ZNF85: variants seen among roughly 807,000 people sequenced by gnomAD.
The protein encoded by ZNF85 is zinc finger protein 85.
ZNF85 carries 50 observed loss-of-function variants against 53.9 expected under a neutral mutation model. That is an observed-to-expected ratio of 0.93 (90% CI 0.74 to 1.17). The LOEUF is 1.17. ZNF85 is among the 50% of genes most tolerant of loss of function. The pLI is 0.00. For missense variants in ZNF85, 747 were observed against 688.5 expected, an observed-to-expected ratio of 1.08 and a Z score of -0.95; for synonymous variants, 225 against 226.1, an observed-to-expected ratio of 1.00 and a Z score of 0.04.
chr19:20,948,124 A>G (rs1252148124), intron 3 of ZNF85, among the ~76,000 whole-genome samples: 4 of 152,078 alleles, frequency 2.6e-5, no homozygotes, highest in Non-Finnish European at 5.9e-5. Flanking sequence ...ACATGTTCTT[A>G]GGATGTGTCT....
At chr19:20,940,593 A>C (rs543682719) in intron 3 of ZNF85, among the ~76,000 whole-genome samples, 18 of 152,280 alleles carry the variant, frequency 1.2e-4, no homozygotes, top group Admixed American at 1.1e-3. Flanking sequence ...ATTGTTATGC[A>C]AAAGACTTCT....
chr19:20,942,931 A>C, intron 3 of ZNF85: 1 of 581,882 alleles, frequency 1.7e-6, no homozygotes, highest in Non-Finnish European at 3.1e-6. Flanking sequence ...ATGCAGTACT[A>C]TGCCTGGCTA....
chr19:20,930,120 C>CAAAAAAAAAA (rs57832039), intron 1 of ZNF85, among the ~76,000 whole-genome samples: 12 of 79,254 alleles, frequency 1.5e-4, no homozygotes, highest in Non-Finnish European at 2.7e-4. Context: ...GACTCCGTCC[C>CAAAAAAAAAA]AAAAAAAAAA....
At position 20,948,902 on chromosome 19, in the gene ZNF85, G is replaced by C. The variant is rs754818852; in HGVS notation, c.388G>C (p.Gly130Arg). The change falls in exon 4 of 4, where the codon GGT becomes CGT. Residue 130 changes from glycine to arginine, a missense_variant. Coordinates refer to ENST00000328178, the MANE Select transcript of ZNF85 (RefSeq NM_003429.5). ...GGATGAGTGTAAGATGCACAAAGGA[G>C]GTTGTAATGGACTTAACCAATGTCT... The part of the protein sequence containing the change: ...SMDECKMHKG[G>R]CNGLNQCLTA... The C allele has an allele frequency of 1.4e-5, 23 of 1,613,518 alleles. No homozygotes were observed. Among genetic ancestry groups the C allele is most frequent in the Non-Finnish European group, 1.8e-5 (21 of 1,179,754 alleles).
chr19:20,929,578 A>G (rs898005793), intron 1 of ZNF85, among the ~76,000 whole-genome samples: 2 of 150,572 alleles, frequency 1.3e-5, no homozygotes, highest in Non-Finnish European at 3.0e-5. Flanking sequence ...ATTTCTTAGT[A>G]TATGTTATAA....
rs989043225 is a variant in ZNF85, at chr19:20,941,415, G to A, written c.229+6368G>A. Among the ~76,000 whole-genome samples, 14 of 152,044 alleles carry A rather than the reference G, an allele frequency of 9.2e-5. No homozygotes were observed. In the South Asian group the frequency reaches 1.7e-3, roughly 18 times the overall value. On this transcript the variant is annotated intron_variant, in intron 3 of 3. Transcript: ENST00000328178. ...GTAGCTGGGATTACAGGCACATGCC[G>A]TCACACCCGGCTAATTTTTATATTT...
chr19:20,931,281 G>T (rs1973011594), intron 1 of ZNF85, among the ~76,000 whole-genome samples: 1 of 152,178 alleles, frequency 6.6e-6, no homozygotes, highest in Non-Finnish European at 1.5e-5. Flanking sequence ...AAATTACCAA[G>T]TGATTTATAA....
At chr19:20,929,640 G>A (rs2144608481) in intron 1 of ZNF85, among the ~76,000 whole-genome samples, 1 of 152,288 alleles carries the variant, frequency 6.6e-6, no homozygotes, top group East Asian at 1.9e-4. Context: ...CACAAACTCT[G>A]GGATTTAAGT....
At chr19:20,938,615 G>C (rs1291105833) in intron 3 of ZNF85, among the ~76,000 whole-genome samples, 1 of 152,002 alleles carries the variant, frequency 6.6e-6, no homozygotes, top group Non-Finnish European at 1.5e-5. Context: ...TGTAATTTTA[G>C]ATTCAGACAT....
At chr19:20,943,802 A>G (rs1406450865) in intron 3 of ZNF85, 4 of 152,196 alleles carry the variant, frequency 2.6e-5, no homozygotes, top group African/African-American at 9.6e-5. Context: ...ACATAAATAA[A>G]TAGGCATAAT....
chr19:20,949,773 A>G lies in ZNF85; in HGVS notation c.1259A>G (p.His420Arg), dbSNP rs1398029690. The G allele has an allele frequency of 1.2e-6, 2 of 1,611,862 alleles. No homozygotes were observed. Among genetic ancestry groups the G allele is most frequent in the African/African-American group, 1.3e-5 (1 of 74,768 alleles). ...ACCCTTACTAAACATAAGATAATTC[A>G]TACTGGAGAGAAGCCTTACAAATGT... The part of the protein sequence containing the change: ...SSTLTKHKII[H>R]TGEKPYKCKE... Residue 420 changes from histidine (H) to arginine (R), a missense_variant, in exon 4 of 4, where the codon CAT becomes CGT. Physicochemically the swap from His to Arg is conservative, Grantham distance 29. Transcript: ENST00000328178.
intron 1 of ZNF85, among the ~76,000 whole-genome samples, chr19:20,925,958 A>C (rs964616849): frequency 1.3e-5 from 2 of 152,222 alleles, no homozygotes; most frequent in Non-Finnish European, 2.9e-5. Context: ...TTAAAATCTA[A>C]TCATATATTC....
At position 20,933,989 on chromosome 19, in the gene ZNF85, GTGTGTGTGTATGTGTA is replaced by G. The variant is rs765477097; in HGVS notation, c.4-23_4-8del. The G allele has an allele frequency of 7.3e-7, 1 of 1,375,272 alleles. No individual in the cohort carries two copies. Among genetic ancestry groups the G allele is most frequent in the Non-Finnish European group, 1.0e-6 (1 of 990,062 alleles). 85.2% of individuals were successfully genotyped at this position (1,375,272 alleles called of 1,614,324 possible). A position where few individuals can be genotyped will look rare whatever the true frequency, so the allele number is the denominator to read the frequency against. ...TGTGTGTGTGTGTGTGTGTGTGTGT[GTGTGTGTGTATGTGTA>G]TGTGTGTGTATCTTTCAGGGACCAT... On this transcript the variant is annotated intron_variant, in intron 1 of 3. Coordinates refer to ENST00000328178, the MANE Select transcript of ZNF85 (RefSeq NM_003429.5).
At chr19:20,944,252 T>C (rs1198345685) in intron 3 of ZNF85, 1 of 151,380 alleles carries the variant, frequency 6.6e-6, no homozygotes, top group Non-Finnish European at 1.5e-5. Flanking sequence ...TTGTATGCAG[T>C]GTCTCACTAT....
intron 3 of ZNF85, chr19:20,942,903 G>A: frequency 2.9e-6 from 2 of 680,164 alleles, no homozygotes; most frequent in African/African-American, 1.8e-5. Flanking sequence ...AGCCTCCCGA[G>A]TAGCTTGGAC....
At chr19:20,925,688 G>A (rs946327192) in intron 1 of ZNF85, among the ~76,000 whole-genome samples, 2 of 152,188 alleles carry the variant, frequency 1.3e-5, no homozygotes, top group Non-Finnish European at 2.9e-5. Context: ...TCTCTTGAGA[G>A]GTTGGTCATT....
intron 3 of ZNF85, among the ~76,000 whole-genome samples, chr19:20,947,702 T>C (rs1290050366): frequency 6.6e-6 from 1 of 151,494 alleles, no homozygotes; most frequent in East Asian, 1.9e-4. Context: ...GTTATAAATA[T>C]CTTTGTGTGT....
chr19:20,923,730 CG>C (rs764194116), intron 1 of ZNF85, among the ~76,000 whole-genome samples: 191 of 152,208 alleles, frequency 1.3e-3, no homozygotes, highest in Non-Finnish European at 2.2e-3. Flanking sequence ...ACTCGGGGTG[CG>C]GGTTCATGAA....
rs10532648 is a variant in ZNF85, at chr19:20,933,192, CAAAAA to C, written c.4-816_4-812del. On this transcript the variant is annotated intron_variant, in intron 1 of 3. Transcript: ENST00000328178. Reference sequence around the variant, plus strand: ...TGGGCAGCAGAGCGAGACTCCGTCTCAAAAAAAAAAAAAAAAAAAATTTGTCCTAG... The same window carrying C: ...TGGGCAGCAGAGCGAGACTCCGTCTCAAAAAAAAAAAAAAATTTGTCCTAG... Among the ~76,000 whole-genome samples, 4 of 108,734 alleles carry C rather than the reference CAAAAA, an allele frequency of 3.7e-5. No individual in the cohort carries two copies. The East Asian group carries it at 7.9e-4, about 21-fold the overall frequency. 71.3% of individuals were successfully genotyped at this position (108,734 alleles called of 152,430 possible).
Sources: gnomAD v4.1 joint callset for allele counts (sites outside exome capture counted in the v4.1 genomes callset) on GRCh38, gnomAD v4.1.1 for gene constraint, MANE v1.5 for transcripts, NCBI Gene and HGNC (gene_info 2026-07-23, HGNC 2026-07-21) for gene names.